BACH2: variants seen among roughly 807,000 people sequenced by gnomAD.
The protein encoded by BACH2 is transcription regulator protein BACH2.
In BACH2, 5 loss-of-function variants were observed where a neutral mutation model predicts 61.8. The observed-to-expected ratio is 0.08, with a 90% confidence interval of 0.04 to 0.17. BACH2 has a LOEUF of 0.17. Ranked by LOEUF, BACH2 falls within the 10% of genes least tolerant of loss-of-function variation. The probability of loss-of-function intolerance (pLI) is 1.00; values close to 1 mark genes in which losing one functional copy is unlikely to be tolerated. For missense variants in BACH2, 824 were observed against 1,091.1 expected (o/e 0.76, Z 3.45); for synonymous variants, 446 against 440.1 (o/e 1.01, Z -0.17).
chr6:90,048,541 A>G (rs991514704), intron 5 of BACH2, among the ~76,000 whole-genome samples: 1 of 152,228 alleles, frequency 6.6e-6, no homozygotes, highest in Non-Finnish European at 1.5e-5. Context: ...CCTAGGAAAG[A>G]TCCTAAGAAC....
At chr6:90,225,120 C>T (rs564872053) in intron 3 of BACH2, among the ~76,000 whole-genome samples, 1 of 152,284 alleles carries the variant, frequency 6.6e-6, no homozygotes, top group East Asian at 1.9e-4. Flanking sequence ...CATGCTGGCT[C>T]ACACCTGTAA....
At position 90,008,470 on chromosome 6, in the gene BACH2, C is replaced by T. The variant is rs2127780582; in HGVS notation, c.243+132G>A. On this transcript the variant is annotated intron_variant, in intron 6 of 8. Coordinates refer to ENST00000257749, the MANE Select transcript of BACH2 (RefSeq NM_021813.4). The surrounding 1 kb of genome is among the most constrained non-coding windows in gnomAD (Gnocchi z 4.1). ...AAATAGAAACTGACTATGCCACAGA[C>T]CTAACATGTGACTTGGACATCAACT... 1 of 1,105,278 alleles carries T rather than the reference C, an allele frequency of 9.0e-7. No individual in the cohort carries two copies. 68.5% of individuals were successfully genotyped at this position (1,105,278 alleles called of 1,614,324 possible).
At chr6:90,139,856 C>T (rs1019490236) in intron 4 of BACH2, among the ~76,000 whole-genome samples, 60 of 152,286 alleles carry the variant, frequency 3.9e-4, no homozygotes, top group African/African-American at 1.4e-3. Flanking sequence ...ATAAAATCTA[C>T]AAGATCATTG....
intron 5 of BACH2, among the ~76,000 whole-genome samples, chr6:90,073,014 T>C (rs1287240214): frequency 6.6e-6 from 1 of 152,202 alleles, no homozygotes; most frequent in African/African-American, 2.4e-5. Context: ...TTTACAACGA[T>C]GAGAAGGAGC....
At chr6:90,244,789 A>T (rs908191987) in intron 3 of BACH2, among the ~76,000 whole-genome samples, 1 of 152,238 alleles carries the variant, frequency 6.6e-6, no homozygotes, top group Non-Finnish European at 1.5e-5. Context: ...CCTCTGAGCC[A>T]TCATCACCCT....
intron 4 of BACH2, among the ~76,000 whole-genome samples, chr6:90,161,502 C>T (rs574171381): frequency 2.0e-5 from 3 of 152,160 alleles, no homozygotes; most frequent in Non-Finnish European, 2.9e-5. Context: ...TGACTAACAT[C>T]AGAATTTATT....
chr6:90,067,742 G>A (rs1280953980), intron 5 of BACH2, among the ~76,000 whole-genome samples: 1 of 152,162 alleles, frequency 6.6e-6, no homozygotes, highest in Non-Finnish European at 1.5e-5. Context: ...TCTAAATGGT[G>A]GTAATCGGCT....
intron 4 of BACH2, among the ~76,000 whole-genome samples, chr6:90,172,489 TGCATCCCAAG>T (rs1767850461): frequency 1.3e-5 from 2 of 151,660 alleles, no homozygotes; most frequent in African/African-American, 2.4e-5. Context: ...GAAAGCCAAA[TGCATCCCAAG>T]GATGTTAAAT....
intron 5 of BACH2, among the ~76,000 whole-genome samples, chr6:90,065,501 A>C (rs1325854990): frequency 6.6e-6 from 1 of 151,886 alleles, no homozygotes; most frequent in African/African-American, 2.4e-5. Flanking sequence ...CCAAATACTC[A>C]GCTCTGCTGT....
chr6:90,131,184 TA>T (rs1784067149), intron 4 of BACH2, among the ~76,000 whole-genome samples: 1 of 152,140 alleles, frequency 6.6e-6, no homozygotes, highest in Admixed American at 6.5e-5. Context: ...AGTTTGACCC[TA>T]AAAAACAACA....
chr6:90,219,090 T>C (rs767691328), intron 3 of BACH2, among the ~76,000 whole-genome samples: 1 of 152,072 alleles, frequency 6.6e-6, no homozygotes, highest in Non-Finnish European at 1.5e-5. Flanking sequence ...AATTGTTGTT[T>C]CCACTACAAA....
intron 5 of BACH2, among the ~76,000 whole-genome samples, chr6:90,050,171 A>C (rs138427077): frequency 1.5e-3 from 236 of 152,340 alleles, no homozygotes; most frequent in African/African-American, 5.2e-3. Context: ...TTTTTTGAAC[A>C]TTAAAATAGT....
At chr6:90,200,582 C>T (rs59064987) in intron 4 of BACH2, among the ~76,000 whole-genome samples, 1,652 of 152,176 alleles carry the variant, frequency 0.011, 14 homozygotes, top group African/African-American at 0.03. Context: ...CCATTTGCAC[C>T]TCAAATGCAA....
chr6:89,969,749 C>T (rs1008337488), intron 6 of BACH2, among the ~76,000 whole-genome samples: 25 of 152,226 alleles, frequency 1.6e-4, no homozygotes, highest in Admixed American at 2.0e-4. Flanking sequence ...GGAAGAGAAA[C>T]GATCTGTTGG....
chr6:89,968,921 A>C (rs1480405933), intron 6 of BACH2, among the ~76,000 whole-genome samples: 1 of 152,100 alleles, frequency 6.6e-6, no homozygotes, highest in Admixed American at 6.6e-5. Context: ...TGAGGCAGGA[A>C]GACTGCTTGA....
intron 4 of BACH2, among the ~76,000 whole-genome samples, chr6:90,127,779 C>A (rs1308582804): frequency 6.6e-6 from 1 of 152,152 alleles, no homozygotes; most frequent in East Asian, 1.9e-4. Context: ...GTGTGAGGCT[C>A]TTGCGTTTGA....
intron 2 of BACH2, among the ~76,000 whole-genome samples, chr6:90,254,717 A>C (rs1366225204): frequency 6.6e-6 from 1 of 152,204 alleles, no homozygotes; most frequent in African/African-American, 2.4e-5. Context: ...GTACCAGCAA[A>C]ACCCAATCTA....
intron 6 of BACH2, among the ~76,000 whole-genome samples, chr6:89,966,631 A>C (rs369021826): frequency 3.3e-5 from 5 of 152,124 alleles, no homozygotes; most frequent in African/African-American, 1.2e-4. Flanking sequence ...TCTTTTCTAT[A>C]TGTTATTCCT....
At chr6:90,233,666 A>G (rs1390852323) in intron 3 of BACH2, among the ~76,000 whole-genome samples, 2 of 152,220 alleles carry the variant, frequency 1.3e-5, no homozygotes, top group Non-Finnish European at 2.9e-5. Flanking sequence ...ACCAAAGTCA[A>G]TGCTCAATAA....
Sources: allele counts gnomAD v4.1 joint callset (sites outside exome capture counted in the v4.1 genomes callset), GRCh38; gene constraint gnomAD v4.1.1; non-coding constraint Gnocchi (gnomAD v3.1); transcripts MANE v1.5; gene names NCBI Gene and HGNC (gene_info 2026-07-23, HGNC 2026-07-21).